Variants in HNRNPA1L2 observed in about 807,000 individuals in gnomAD.
HNRNPA1L2 encodes the protein heterogeneous nuclear ribonucleoprotein A1 like 2.
A neutral mutation model predicts 18.2 loss-of-function variants in HNRNPA1L2; 10 were observed. The observed-to-expected ratio is 0.55, with a 90% CI of 0.34 to 0.93. HNRNPA1L2 has a LOEUF of 0.93. HNRNPA1L2 is among the 40% of genes least tolerant of loss of function. The pLI is 0.02. For synonymous variants in HNRNPA1L2, 124 were observed against 138.6 expected, an observed-to-expected ratio of 0.89 and a Z score of 0.74; for missense variants, 308 against 394.4, an observed-to-expected ratio of 0.78 and a Z score of 1.85.
At chr13:52,621,437 A>G in the HNRNPA1L2 span, among the ~76,000 whole-genome samples, 1 of 152,306 alleles carries the variant, frequency 6.6e-6, no homozygotes. Flanking sequence ...TTATTTAATT[A>G]TAACTTTTTA....
chr13:52,619,220 C>T, the HNRNPA1L2 span, among the ~76,000 whole-genome samples: 2 of 152,052 alleles, frequency 1.3e-5, no homozygotes, highest in Middle Eastern at 3.4e-3. Flanking sequence ...CTCCAACTCC[C>T]GACCTCAGGT....
the HNRNPA1L2 span, among the ~76,000 whole-genome samples, chr13:52,621,119 C>T: frequency 8.5e-5 from 13 of 152,082 alleles, no homozygotes; most frequent in Non-Finnish European, 4.4e-5. Flanking sequence ...AATCAAGTGC[C>T]AAAAGAGGTT....
chr13:52,631,504 A>G, the HNRNPA1L2 span, among the ~76,000 whole-genome samples: 2,347 of 152,292 alleles, frequency 0.015, 61 homozygotes, highest in African/African-American at 0.053. Context: ...TTCGGTTGAG[A>G]AAGAAGAATG....
chr13:52,627,890 G>A, the HNRNPA1L2 span, among the ~76,000 whole-genome samples: 16 of 152,154 alleles, frequency 1.1e-4, no homozygotes, highest in Non-Finnish European at 1.6e-4. Flanking sequence ...TCTGAGAAAA[G>A]TAATTTTTTT....
the HNRNPA1L2 span, among the ~76,000 whole-genome samples, chr13:52,621,823 A>T: frequency 6.6e-6 from 1 of 152,208 alleles, no homozygotes; most frequent in African/African-American, 2.4e-5. Flanking sequence ...AGGTTGAGGC[A>T]TATAGTATGT....
At position 52,643,063 on chromosome 13, in the gene HNRNPA1L2, T is replaced by C. The variant is rs759837242; in HGVS notation, c.571T>C (p.Ser191Pro). The C allele has an allele frequency of 1.9e-6, 3 of 1,597,406 alleles. No homozygotes were observed. In the East Asian group the frequency reaches 6.7e-5, roughly 36 times the overall value. ...AAAGCAAGAGATGGCTAGTGCTTCA[T>C]CCAGCCAAAGAGGTCGAAGGGGTTC... ...LPKQEMASAS[S>P]SQRGRRGSGN... is the part of the protein sequence containing the mutation. The change falls in exon 1 of 1, where the codon TCC becomes CCC. Residue 191 changes from serine to proline, a missense_variant. Coordinates refer to ENST00000357495, the MANE Select transcript of HNRNPA1L2 (RefSeq NM_001389320.1).
At chr13:52,625,638 C>G in the HNRNPA1L2 span, among the ~76,000 whole-genome samples, 7 of 152,082 alleles carry the variant, frequency 4.6e-5, no homozygotes, top group Non-Finnish European at 7.3e-5. Context: ...CTACTCTGAT[C>G]AAATACATAT....
chr13:52,636,157 A>G, the HNRNPA1L2 span, among the ~76,000 whole-genome samples: 2 of 152,058 alleles, frequency 1.3e-5, no homozygotes, highest in African/African-American at 4.8e-5. Context: ...TTTTGTACCT[A>G]TTCACCTGTT....
chr13:52,619,820 G>C, the HNRNPA1L2 span, among the ~76,000 whole-genome samples: 17 of 151,396 alleles, frequency 1.1e-4, no homozygotes, highest in Non-Finnish European at 2.1e-4. Context: ...ACTCGGGAGG[G>C]TGAGGCAGGA....
At chr13:52,627,698 A>G in the HNRNPA1L2 span, 3 of 152,328 alleles carry the variant, frequency 2.0e-5, no homozygotes, top group East Asian at 1.9e-4. Flanking sequence ...TATAGAATAT[A>G]CCATATAAGT....
upstream of HNRNPA1L2, among the ~76,000 whole-genome samples, chr13:52,637,665 G>T (rs1961506114): frequency 6.6e-6 from 1 of 152,022 alleles, no homozygotes; most frequent in Non-Finnish European, 1.5e-5. Flanking sequence ...AGCTCTAACG[G>T]CGATAAAACT....
chr13:52,633,714 G>T, the HNRNPA1L2 span, among the ~76,000 whole-genome samples: 9,345 of 152,194 alleles, frequency 0.061, 332 homozygotes, highest in African/African-American at 0.095. Flanking sequence ...CTGGGAGGTT[G>T]AGGTGGGAGG....
chr13:52,642,512 C>T lies in HNRNPA1L2; in HGVS notation c.20C>T (p.Pro7Leu). ...GCCGTCATGTCTAAGTCAGCGTCTC[C>T]AAAAGAGCCCGAACAGCTGAGGAAG... MSKSAS[P>L]KEPEQLRKLF... is the part of the protein sequence containing the mutation. The change falls in exon 1 of 1, where the codon CCA becomes CTA. Residue 7 changes from proline to leucine, a missense_variant. By Grantham distance (98) the Pro-to-Leu change is moderately conservative. Coordinates refer to ENST00000357495, the MANE Select transcript of HNRNPA1L2 (RefSeq NM_001389320.1). 2 of 1,611,900 alleles carry T rather than the reference C, an allele frequency of 1.2e-6. No individual in the cohort carries two copies. Among genetic ancestry groups the T allele is most frequent in the Non-Finnish European group, 1.7e-6 (2 of 1,179,842 alleles).
At chr13:52,634,592 A>G in the HNRNPA1L2 span, among the ~76,000 whole-genome samples, 1 of 152,224 alleles carries the variant, frequency 6.6e-6, no homozygotes, top group African/African-American at 2.4e-5. Flanking sequence ...TTATCTTACC[A>G]TCCCAAATAA....
chr13:52,636,743 A>T, the HNRNPA1L2 span, among the ~76,000 whole-genome samples: 1 of 151,834 alleles, frequency 6.6e-6, no homozygotes, highest in South Asian at 2.1e-4. Flanking sequence ...ATACAAATTT[A>T]TTTTTTTTTC....
At chr13:52,626,354 G>A in the HNRNPA1L2 span, among the ~76,000 whole-genome samples, 2 of 149,994 alleles carry the variant, frequency 1.3e-5, no homozygotes, top group South Asian at 4.2e-4. Context: ...TACTCAGGAA[G>A]ATGATGTGGG....
chr13:52,642,182 C>T, upstream of HNRNPA1L2: 2 of 372,644 alleles, frequency 5.4e-6, no homozygotes, highest in Non-Finnish European at 9.7e-6. Context: ...GTTGGTGATC[C>T]CAACAATGTG....
At chr13:52,635,337 C>T in the HNRNPA1L2 span, among the ~76,000 whole-genome samples, 1 of 151,554 alleles carries the variant, frequency 6.6e-6, no homozygotes, top group South Asian at 2.1e-4. Flanking sequence ...ATGCAATGTA[C>T]ACCTCTAGCC....
rs1210054979 is a variant in HNRNPA1L2 at position 52,643,328 on chromosome 13, G to A, written c.836G>A (p.Gly279Glu). 1.1e-5 allele frequency: 17 copies of A among 1,597,810 alleles called. No individual in the cohort carries two copies. The highest frequency in any genetic ancestry group is 1.4e-5 in the Non-Finnish European group (16 of 1,179,702). Reference sequence around the variant, plus strand: ...TCAAATTTTGGACCCATGAAGGGAGGAAATTTTGGAGGCAGAAGCTCTGGC... The same window carrying A: ...TCAAATTTTGGACCCATGAAGGGAGAAAATTTTGGAGGCAGAAGCTCTGGC... Reference protein sequence around the residue: ...QSSNFGPMKGGNFGGRSSGPY... With the variant: ...QSSNFGPMKGENFGGRSSGPY... The change falls in exon 1 of 1, where the codon GGA becomes GAA. Residue 279 changes from glycine to glutamate, a missense_variant. Gly to Glu is a moderately conservative substitution (Grantham distance 98). Coordinates refer to ENST00000357495, the MANE Select transcript of HNRNPA1L2 (RefSeq NM_001389320.1).
Sources: allele counts gnomAD v4.1 joint callset (sites outside exome capture counted in the v4.1 genomes callset), GRCh38; gene constraint gnomAD v4.1.1; transcripts MANE v1.5; gene names NCBI Gene and HGNC (gene_info 2026-07-23, HGNC 2026-07-21).